SMIM14: variants seen among roughly 807,000 people sequenced by gnomAD.
SMIM14 encodes the protein small integral membrane protein 14, also known as chromosome 4 open reading frame 34.
SMIM14 carries 5 observed loss-of-function variants against 12.6 expected under a neutral mutation model. The ratio of observed to expected loss-of-function variants is 0.40; its 90% CI spans 0.21 to 0.83. SMIM14 has a LOEUF of 0.83. Among genes scored for constraint, SMIM14 ranks in the 40% least tolerant of loss-of-function variants. SMIM14 has a pLI of 0.37. For synonymous variants in SMIM14, 30 were observed against 40.1 expected (o/e 0.75, Z 0.95); for missense variants, 86 against 119.1 (o/e 0.72, Z 1.29).
At chr4:39,578,813 T>C (rs1713336807) in intron 2 of SMIM14, among the ~76,000 whole-genome samples, 1 of 151,796 alleles carries the variant, frequency 6.6e-6, no homozygotes, top group African/African-American at 2.4e-5. Context: ...CTGGCCAAAA[T>C]GGTGTAACCC....
chr4:39,566,894 G>A (rs1453653610), intron 3 of SMIM14, among the ~76,000 whole-genome samples: 2 of 152,108 alleles, frequency 1.3e-5, no homozygotes, highest in Non-Finnish European at 2.9e-5. Context: ...TTGAACCTGC[G>A]AGGTGGAGGT....
intron 1 of SMIM14, among the ~76,000 whole-genome samples, chr4:39,627,968 G>A (rs926109296): frequency 6.6e-6 from 1 of 152,144 alleles, no homozygotes; most frequent in Non-Finnish European, 1.5e-5. Flanking sequence ...ACCCAAGAGG[G>A]CACATGTCAT....
At chr4:39,571,385 G>T (rs1448102998) in intron 3 of SMIM14, among the ~76,000 whole-genome samples, 1 of 151,946 alleles carries the variant, frequency 6.6e-6, no homozygotes, top group African/African-American at 2.4e-5. Flanking sequence ...TAAGACCCAT[G>T]TGGGCAACAT....
At chr4:39,567,424 A>T (rs1257792977) in intron 3 of SMIM14, among the ~76,000 whole-genome samples, 2 of 151,726 alleles carry the variant, frequency 1.3e-5, no homozygotes, top group African/African-American at 4.8e-5. Context: ...GGCAACATGC[A>T]AAACCCTGTC....
chr4:39,627,921 TAA>T (rs1299613922), intron 1 of SMIM14, among the ~76,000 whole-genome samples: 2 of 152,228 alleles, frequency 1.3e-5, no homozygotes, highest in Non-Finnish European at 2.9e-5. Context: ...ATCATAACCA[TAA>T]GTTTCATAAT....
chr4:39,566,920 T>C (rs1040392828), intron 3 of SMIM14, among the ~76,000 whole-genome samples: 1 of 151,810 alleles, frequency 6.6e-6, no homozygotes, highest in East Asian at 1.9e-4. Flanking sequence ...TGAGCTGAGA[T>C]TGTACCACTA....
At chr4:39,555,734 G>A (rs540232425) in intron 4 of SMIM14, among the ~76,000 whole-genome samples, 2 of 152,250 alleles carry the variant, frequency 1.3e-5, no homozygotes, top group African/African-American at 4.8e-5. Flanking sequence ...AAATAGGATG[G>A]GAAAATGAGG....
Position 39,590,195 on chromosome 4 carries a change from C to A in SMIM14, c.75+14876G>T, listed in dbSNP as rs28444381. ...TTGGGGGGCCAAGGCAGGTGGATCA[C>A]CTGAGGTTGGGAGTTCGAGACCAGC... On this transcript the variant is annotated intron_variant, in intron 2 of 4. Transcript: ENST00000295958. Among the ~76,000 whole-genome samples, 693 of 152,064 alleles carry A rather than the reference C, an allele frequency of 4.6e-3. 5 individuals carry two copies. Among genetic ancestry groups the A allele is most frequent in the African/African-American group, 0.016 (658 of 41,498 alleles).
rs1366852847 is a variant in SMIM14, at chr4:39,550,843, T to C, written c.*1283A>G. 1 of 152,078 alleles carries C rather than the reference T, an allele frequency of 6.6e-6. No homozygotes were observed. Among genetic ancestry groups the C allele is most frequent in the Non-Finnish European group, 1.5e-5 (1 of 68,014 alleles). 9.4% of individuals were successfully genotyped at this position (152,078 alleles called of 1,614,324 possible). A position where few individuals can be genotyped will look rare whatever the true frequency, so the allele number is the denominator to read the frequency against. The stretch of plus-strand genomic sequence containing the variant: ...TCAGAGGATAACAAAAGACTCAATG[T>C]AGTAAATAAGTAAATAGGCATTCAA... On this transcript the variant is annotated 3_prime_UTR_variant, in exon 5 of 5. Coordinates refer to ENST00000295958, the MANE Select transcript of SMIM14 (RefSeq NM_174921.3).
intron 1 of SMIM14, among the ~76,000 whole-genome samples, chr4:39,612,467 C>T (rs561386328): frequency 2.9e-4 from 44 of 152,216 alleles, no homozygotes; most frequent in South Asian, 1.0e-3. Context: ...TCCTTAGTCC[C>T]GATGTATATC....
intron 2 of SMIM14, among the ~76,000 whole-genome samples, chr4:39,585,155 T>G (rs2890698): frequency 0.58 from 88,499 of 151,546 alleles, 29,687 homozygotes; most frequent in Middle Eastern, 0.81. Context: ...TAATGTGACC[T>G]CTGACAAAAC....
chr4:39,558,277 C>A lies in SMIM14; in HGVS notation c.125-1707G>T, dbSNP rs1355040242. Among the ~76,000 whole-genome samples, 1 of 152,182 alleles carries A rather than the reference C, an allele frequency of 6.6e-6. No individual in the cohort carries two copies. Among genetic ancestry groups the A allele is most frequent in the Non-Finnish European group, 1.5e-5 (1 of 68,046 alleles). The stretch of plus-strand genomic sequence containing the variant: ...CCAAGATGGGTGGATTGCTTGAGCT[C>A]AGGAATTCGAGACCAGCCTGGGCGA... On this transcript the variant is annotated intron_variant, in intron 3 of 4. Transcript: ENST00000295958. The surrounding 1 kb of genome is among the most constrained non-coding windows in gnomAD (Gnocchi z 4.3).
chr4:39,589,930 C>T (rs1713975244), intron 2 of SMIM14, among the ~76,000 whole-genome samples: 2 of 146,612 alleles, frequency 1.4e-5, no homozygotes, highest in Admixed American at 1.4e-4. Flanking sequence ...ATCCCAGATA[C>T]TCAGGAGGCT....
intron 4 of SMIM14, 70 bp downstream of exon 4, chr4:39,556,358 C>T: frequency 1.4e-6 from 2 of 1,464,522 alleles, no homozygotes; most frequent in Non-Finnish European, 1.8e-6. Context: ...TAGTCAAAAC[C>T]AAGTCCTTCC....
intron 3 of SMIM14, among the ~76,000 whole-genome samples, chr4:39,556,919 C>T (rs1013663347): frequency 2.6e-5 from 4 of 152,174 alleles, no homozygotes; most frequent in Non-Finnish European, 2.9e-5. Context: ...TCCTGAGTAG[C>T]TGGGACTACA....
chr4:39,589,462 C>A (rs1376029312), intron 2 of SMIM14: 1 of 152,114 alleles, frequency 6.6e-6, no homozygotes, highest in African/African-American at 2.4e-5. Flanking sequence ...CAGAGCTCAA[C>A]AATTAAAACA....
chr4:39,631,501 A>C (rs1357924340), intron 1 of SMIM14, among the ~76,000 whole-genome samples: 1 of 151,240 alleles, frequency 6.6e-6, no homozygotes, highest in Non-Finnish European at 1.5e-5. Flanking sequence ...TACTAAAAAT[A>C]CAAAAAAATT....
intron 1 of SMIM14, among the ~76,000 whole-genome samples, chr4:39,619,205 TATC>T (rs1715344732): frequency 7.1e-6 from 1 of 141,788 alleles, no homozygotes; most frequent in Admixed American, 7.2e-5. Context: ...TTATTCTATA[TATC>T]AATAAATATA....
chr4:39,594,281 T>C (rs1334097003), intron 2 of SMIM14: 1 of 152,124 alleles, frequency 6.6e-6, no homozygotes, highest in Non-Finnish European at 1.5e-5. Flanking sequence ...TTGACAAACC[T>C]GAGAAAAACA....
Sources: gnomAD v4.1 joint callset for allele counts (sites outside exome capture counted in the v4.1 genomes callset) on GRCh38, gnomAD v4.1.1 for gene constraint, Gnocchi (gnomAD v3.1) non-coding constraint, MANE v1.5 for transcripts, NCBI Gene and HGNC (gene_info 2026-07-23, HGNC 2026-07-21) for gene names.